The following GIGYF1 variants were observed in gnomAD, a reference collection of about 807,000 sequenced individuals.
GIGYF1 encodes the protein GRB10-interacting GYF protein 1.
Under a neutral mutation model 147.1 loss-of-function variants are expected in GIGYF1, and 84 were observed. The ratio of observed to expected loss-of-function variants is 0.57; its 90% confidence interval spans 0.48 to 0.68. The LOEUF (loss-of-function observed/expected upper bound fraction) is 0.68, where lower values mean the gene tolerates loss of function less well. Ranked by LOEUF, GIGYF1 falls within the 30% of genes least tolerant of loss-of-function variation. The pLI is 0.00. For missense variants in GIGYF1, 1,485 were observed against 1,393.7 expected (o/e 1.07, Z -1.04); for synonymous variants, 752 against 589.5 (o/e 1.28, Z -3.99).
At position 100,684,251 on chromosome 7, in the gene GIGYF1, G is replaced by C. The variant is rs749495808; in HGVS notation, c.1716C>G (p.Leu572=). The part of the protein sequence containing the change: ...LYQQLQHQQF[L]QLVSSRQLPQ... ...GCCCCCCATACCTGCTGACCAGCTG[G>C]AGAAACTGCTGGTGCTGCAGCTGCT... is the stretch of plus-strand genomic sequence containing the variant. Residue 572 remains leucine, a synonymous_variant, in exon 17 of 27, where the codon CTC becomes CTG. Coordinates refer to ENST00000678049, the MANE Select transcript of GIGYF1 (RefSeq NM_001375765.1). The C allele has an allele frequency of 9.3e-6, 15 of 1,609,954 alleles. No homozygotes were observed. Among genetic ancestry groups the C allele is most frequent in the Non-Finnish European group, 1.3e-5 (15 of 1,179,016 alleles).
rs554425409 is a variant in GIGYF1, at chr7:100,682,910, T to C, written c.2412+102A>G. On this transcript the variant is annotated intron_variant, in intron 22 of 26. Transcript: ENST00000678049. ...GAGCTGTTGCCATCACAGGAGAGGC[T>C]GGGACTGGGGCTGGGGCTGCACAAG... 34 of 1,278,412 alleles carry C rather than the reference T, an allele frequency of 2.7e-5. No individual in the cohort carries two copies. In the East Asian group the frequency reaches 8.6e-4, roughly 32 times the overall value. 79.2% of individuals were successfully genotyped at this position (1,278,412 alleles called of 1,614,324 possible).
chr7:100,682,315 C>CGCCCACCGTCCAGGCT lies in GIGYF1; in HGVS notation c.2752_2761+6dup. The CGCCCACCGTCCAGGCT allele has an allele frequency of 6.2e-7, 1 of 1,610,862 alleles. No individual in the cohort carries two copies. Among genetic ancestry groups the CGCCCACCGTCCAGGCT allele is most frequent in the Non-Finnish European group, 8.5e-7 (1 of 1,179,352 alleles). On this transcript the variant is annotated splice_region_variant and intron_variant, in intron 24 of 26. Transcript: ENST00000678049. The stretch of plus-strand genomic sequence containing the variant: ...TCCCGCCCACCTCCTGGGAGCCGCT[C>CGCCCACCGTCCAGGCT]GCCCACCGTCCAGGCTGCCCGTGGC...
rs908522924 is a variant in GIGYF1, at chr7:100,688,977, A to T, written c.-520T>A. On this transcript the variant is annotated 5_prime_UTR_variant, in exon 2 of 27. It introduces an in-frame stop codon into an upstream open reading frame of the 5' UTR. Coordinates refer to ENST00000678049, the MANE Select transcript of GIGYF1 (RefSeq NM_001375765.1). The stretch of plus-strand genomic sequence containing the variant: ...AAACAAAAACCCACTAGAGCCACAA[A>T]TAGCTTACAGAGAAAAGGTCAGTTA... 6.5e-6 allele frequency: 1 copy of T among 153,470 alleles called. No individual in the cohort carries two copies. Among genetic ancestry groups the T allele is most frequent in the Admixed American group, 6.5e-5 (1 of 15,384 alleles). The allele number at this position is 153,470 out of a possible 1,614,324, so 9.5% of individuals were successfully genotyped here.
chr7:100,683,335 TGCC>T lies in GIGYF1; in HGVS notation c.2159_2161del (p.Arg720del), dbSNP rs1335969298. ...GCGCCGAAACAGCTCTTCCTCCTCC[TGCC>T]GCCGCTTCTGCTCCTCCTGCTGCTG... On this transcript the variant is annotated inframe_deletion, in exon 21 of 27. Transcript: ENST00000678049. 1.2e-5 allele frequency: 20 copies of T among 1,613,840 alleles called. No individual in the cohort carries two copies. The highest frequency in any genetic ancestry group is 1.7e-5 in the Non-Finnish European group (20 of 1,180,026).
rs769494936 is a variant in GIGYF1, at chr7:100,684,101, G to T, written c.1787C>A (p.Pro596Gln). Residue 596 changes from proline (P) to glutamine (Q), a missense_variant, in exon 18 of 27, where the codon CCG becomes CAG. By Grantham distance (76) the Pro-to-Gln change is moderately conservative (BLOSUM62 -1). Coordinates refer to ENST00000678049, the MANE Select transcript of GIGYF1 (RefSeq NM_001375765.1). ...CTGCTGTGGCGGCGGCGGTGGTGGC[G>T]GTGTCAGGTCCCCCAGAGCTGCCTT... is the stretch of plus-strand genomic sequence containing the variant. ...REKAALGDLT[P>Q]PPPPPPQQQQ... 6.2e-7 allele frequency: 1 copy of T among 1,607,478 alleles called. No individual in the cohort carries two copies.
In GIGYF1 at chr7:100,688,270, G is replaced by T. The variant is rs1405285630; in HGVS notation, c.-32C>A. On this transcript the variant is annotated 5_prime_UTR_variant, in exon 4 of 27. Transcript: ENST00000678049. ...GCTGGGCGTGTTTGAGAGGCCGGGG[G>T]TGGGGAGGAGGGGACCTGGCGTTCA... 3 of 1,436,854 alleles carry T rather than the reference G, an allele frequency of 2.1e-6. No individual in the cohort carries two copies. The highest frequency in any genetic ancestry group is 2.9e-6 in the Non-Finnish European group (3 of 1,019,102). The allele number at this position is 1,436,854 out of a possible 1,614,324, so 89.0% of individuals were successfully genotyped here. A position where few individuals can be genotyped will look rare whatever the true frequency, so the allele number is the denominator to read the frequency against.
chr7:100,687,410 G>A lies in GIGYF1; in HGVS notation c.374-4C>T, dbSNP rs777513523. On this transcript the variant is annotated splice_region_variant and splice_polypyrimidine_tract_variant and intron_variant, in intron 7 of 26. Transcript: ENST00000678049. ...CAGCTGTCACCACGGCCGCGGCCTA[G>A]AGAAGAGGCCAGACGCACAATGAAA... The A allele has an allele frequency of 6.2e-7, 1 of 1,613,114 alleles. No individual in the cohort carries two copies.
chr7:100,692,925 G>A (rs1805933455), intron 1 of GIGYF1, among the ~76,000 whole-genome samples: 1 of 152,216 alleles, frequency 6.6e-6, no homozygotes, highest in African/African-American at 2.4e-5. Flanking sequence ...GAAGGAGAAA[G>A]AACCCCAAAT....
chr7:100,685,311 G>A (rs776297733), intron 13 of GIGYF1, 33 bp downstream of exon 13: 33 of 1,561,052 alleles, frequency 2.1e-5, no homozygotes, highest in African/African-American at 6.9e-5. Context: ...CAGCCCCAGC[G>A]CACCCGGGAG....
intron 13 of GIGYF1, 63 bp from the exon 14 acceptor site, chr7:100,685,209 A>G: frequency 6.6e-7 from 1 of 1,515,810 alleles, no homozygotes. Flanking sequence ...GCTTTCGCCT[A>G]CTCTCACTCC....
Position 100,680,511 on chromosome 7 carries a change from C to T in GIGYF1, c.*1208G>A, listed in dbSNP as rs904282429. 2.0e-5 allele frequency: 3 copies of T among 152,668 alleles called. No individual in the cohort carries two copies. Among genetic ancestry groups the T allele is most frequent in the Admixed American group, 6.5e-5 (1 of 15,278 alleles). 9.5% of individuals were successfully genotyped at this position (152,668 alleles called of 1,614,324 possible). Reference sequence around the variant, plus strand: ...CACACTTCTCTTCACCCCAACCTTACCCAACGGTAAAAAGCGCATCATATC... The same window carrying T: ...CACACTTCTCTTCACCCCAACCTTATCCAACGGTAAAAAGCGCATCATATC... On this transcript the variant is annotated 3_prime_UTR_variant, in exon 27 of 27. Transcript: ENST00000678049.
chr7:100,684,876 C>T lies in GIGYF1; in HGVS notation c.1309G>A (p.Ala437Thr), dbSNP rs1805165425. 6.2e-7 allele frequency: 1 copy of T among 1,603,924 alleles called. No homozygotes were observed. Residue 437 changes from alanine (A) to threonine (T), a missense_variant, in exon 15 of 27, where the codon GCC becomes ACC. Ala to Thr is a moderately conservative substitution (Grantham distance 58). Transcript: ENST00000678049. The part of the protein sequence containing the change: ...HLQQEAEKLV[A>T]SLQDSSLEEE... ...TCCAAGGAGCTGTCCTGCAGGGAGG[C>T]CACCAGCTTCTCCGCCTCCTGGATG...
At chr7:100,686,114 TG>T (rs905081940) in intron 11 of GIGYF1, 35 bp from the exon 12 acceptor site, 1 of 1,429,750 alleles carries the variant, frequency 7.0e-7, no homozygotes, top group Non-Finnish European at 9.7e-7. Context: ...AGAGAACAGC[TG>T]GGGTGGGTGG....
chr7:100,684,350 G>A lies in GIGYF1; in HGVS notation c.1630-13C>T, dbSNP rs1317023800. 1 of 1,594,276 alleles carries A rather than the reference G, an allele frequency of 6.3e-7. No individual in the cohort carries two copies. The highest frequency in any genetic ancestry group is 8.5e-7 in the Non-Finnish European group (1 of 1,172,038). On this transcript the variant is annotated splice_polypyrimidine_tract_variant and intron_variant, in intron 16 of 26. Coordinates refer to ENST00000678049, the MANE Select transcript of GIGYF1 (RefSeq NM_001375765.1). ...GGTCCATGTTTCCCTGCTCAGGTGA[G>A]AGCTCGGCCAGTGCCCCCAGCAGGG... is the stretch of plus-strand genomic sequence containing the variant.
Position 100,684,946 on chromosome 7 carries a change from A to AGGATGG in GIGYF1, c.1291-58_1291-53dup, listed in dbSNP as rs571598936. 2,043 of 1,593,736 alleles carry AGGATGG rather than the reference A, an allele frequency of 1.3e-3. 3 individuals are homozygous for AGGATGG. The highest frequency in any genetic ancestry group is 6.8e-3 in the Middle Eastern group (41 of 6,032). On this transcript the variant is annotated intron_variant, in intron 14 of 26. Coordinates refer to ENST00000678049, the MANE Select transcript of GIGYF1 (RefSeq NM_001375765.1). ...CTCAGCTGCCAATCTCAGCAACATC[A>AGGATGG]GGATGGGGATGGGGATGGAGCTTGA...
rs562107229 is a variant in GIGYF1, at chr7:100,693,376, C to T, written c.-1099+734G>A. On this transcript the variant is annotated intron_variant, in intron 1 of 26. Coordinates refer to ENST00000678049, the MANE Select transcript of GIGYF1 (RefSeq NM_001375765.1). ...ACGGAGGGGCATGAGCTGAGAAGGG[C>T]CTGGCCTGGGACGGGGAGGACAAGC... Among the ~76,000 whole-genome samples the T allele has an allele frequency of 8.5e-5, 13 of 152,126 alleles. No homozygotes were observed. The East Asian group carries it at 2.3e-3, about 27-fold the overall frequency.
At position 100,682,125 on chromosome 7, in the gene GIGYF1, A is replaced by G. The variant is rs1804837946; in HGVS notation, c.2872T>C (p.Phe958Leu). 6.2e-7 allele frequency: 1 copy of G among 1,613,984 alleles called. No individual in the cohort carries two copies. The highest frequency in any genetic ancestry group is 8.5e-7 in the Non-Finnish European group (1 of 1,179,946). The change falls in exon 25 of 27, where the codon TTC becomes CTC. Residue 958 changes from phenylalanine (F) to leucine (L), a missense_variant. Transcript: ENST00000678049. The part of the protein sequence containing the change: ...TLEAKEFAKQ[F>L]LERRAKQKAS... ...TTCTGCTTGGCCCTCCGCTCCAGGA[A>G]TTGTTTGGCAAATTCTTTGGCTTCC...
chr7:100,692,716 C>T (rs202144862), intron 1 of GIGYF1, among the ~76,000 whole-genome samples: 2 of 152,200 alleles, frequency 1.3e-5, no homozygotes, highest in East Asian at 3.8e-4. Context: ...ACTTGACTAA[C>T]CACCACGTGG....
In GIGYF1 at chr7:100,684,058, C is replaced by A. The variant is rs138722511; in HGVS notation, c.1830G>T (p.Thr610=). 5.8e-5 allele frequency: 93 copies of A among 1,606,714 alleles called. No homozygotes were observed. The highest frequency in any genetic ancestry group is 7.7e-5 in the Non-Finnish European group (91 of 1,179,720). The change falls in exon 18 of 27, where the codon ACG becomes ACT. Residue 610 remains threonine (T), a synonymous_variant. Coordinates refer to ENST00000678049, the MANE Select transcript of GIGYF1 (RefSeq NM_001375765.1). ...PPPQQQQQQL[T]AFLQQLQALK... is the part of the protein sequence containing the mutation. ...GCGCCTGGAGCTGCTGCAGGAATGCCGTGAGCTGCTGCTGCTGCTGCTGTG... is the reference window on the plus strand; with the variant it reads ...GCGCCTGGAGCTGCTGCAGGAATGCAGTGAGCTGCTGCTGCTGCTGCTGTG...
Sources: allele counts gnomAD v4.1 joint callset (sites outside exome capture counted in the v4.1 genomes callset), GRCh38; gene constraint gnomAD v4.1.1; transcripts MANE v1.5; gene names NCBI Gene and HGNC (gene_info 2026-07-23, HGNC 2026-07-21).